The following FHAD1 variants were observed in gnomAD, a reference collection of about 807,000 sequenced individuals.
FHAD1 encodes forkhead-associated domain-containing protein 1.
FHAD1 carries 146 observed loss-of-function variants against 191.3 expected under a neutral mutation model. The observed-to-expected ratio is 0.76, with a 90% CI of 0.67 to 0.88. The LOEUF (loss-of-function observed/expected upper bound fraction) is 0.88, where lower values mean the gene tolerates loss of function less well. FHAD1 is among the 40% of genes least tolerant of loss of function. The probability of loss-of-function intolerance (pLI) is 0.00; values close to 1 mark genes in which losing one functional copy is unlikely to be tolerated. For missense variants in FHAD1, 1,635 were observed against 1,785.8 expected (o/e 0.92, Z 1.52); for synonymous variants, 616 against 672.3 (o/e 0.92, Z 1.29).
At chr1:15,315,873 C>T (rs1674270797) in intron 8 of FHAD1, among the ~76,000 whole-genome samples, 1 of 152,152 alleles carries the variant, frequency 6.6e-6, no homozygotes, top group Non-Finnish European at 1.5e-5. Flanking sequence ...CAGCCATTGT[C>T]CTTATACATT....
intron 19 of FHAD1, among the ~76,000 whole-genome samples, chr1:15,351,886 G>T (rs1691034063): frequency 6.6e-6 from 1 of 152,074 alleles, no homozygotes; most frequent in African/African-American, 2.4e-5. Flanking sequence ...TGCCACACAG[G>T]TAATGTTAAA....
At chr1:15,321,048 C>A (rs1676082828) in intron 10 of FHAD1, among the ~76,000 whole-genome samples, 1 of 152,196 alleles carries the variant, frequency 6.6e-6, no homozygotes, top group South Asian at 2.1e-4. Flanking sequence ...AATTGTCCTG[C>A]CTCAGCCTCC....
In FHAD1 at chr1:15,328,045, A is replaced by G. The variant is rs989534862; in HGVS notation, c.1558-232A>G. 3.9e-5 allele frequency: 10 copies of G among 256,768 alleles called. No individual in the cohort carries two copies. In the South Asian group the frequency reaches 4.9e-4, roughly 13 times the overall value. The allele number at this position is 256,768 out of a possible 1,614,324, so 15.9% of individuals were successfully genotyped here. On this transcript the variant is annotated intron_variant, in intron 12 of 33. Transcript: ENST00000688493. ...TGAAACTCCGTCGCAAAAAAAAAAA[A>G]AAGAAAAGAAAAAAGAAAAGAGAAT...
At chr1:15,287,733 C>G (rs1250683599) in intron 3 of FHAD1, among the ~76,000 whole-genome samples, 1 of 152,172 alleles carries the variant, frequency 6.6e-6, no homozygotes, top group Non-Finnish European at 1.5e-5. Context: ...ACACTCCTCA[C>G]TGACTCCAAG....
At chr1:15,370,137 T>C (rs1173015961) in intron 26 of FHAD1, among the ~76,000 whole-genome samples, 3 of 152,064 alleles carry the variant, frequency 2.0e-5, no homozygotes, top group African/African-American at 4.8e-5. Flanking sequence ...CCACCACACC[T>C]GACGAATTTT....
At position 15,276,397 on chromosome 1, in the gene FHAD1, G is replaced by A. The variant is rs957338875; in HGVS notation, c.300+3868G>A. ...TGCCTTTGCAAATAACTTACCCATGGAGTGACATACAAGGTAGAAAAACAG... is the reference window on the plus strand; with the variant it reads ...TGCCTTTGCAAATAACTTACCCATGAAGTGACATACAAGGTAGAAAAACAG... On this transcript the variant is annotated intron_variant, in intron 3 of 33. Transcript: ENST00000688493. This position sits in a 1 kb window ranked among gnomAD's most constrained non-coding sequence, Gnocchi z 4.7. Among the ~76,000 whole-genome samples, 2 of 152,220 alleles carry A rather than the reference G, an allele frequency of 1.3e-5. No homozygotes were observed. The highest frequency in any genetic ancestry group is 4.8e-5 in the African/African-American group (2 of 41,456).
intron 2 of FHAD1, among the ~76,000 whole-genome samples, chr1:15,265,797 C>T (rs1166161301): frequency 6.6e-6 from 1 of 151,690 alleles, no homozygotes; most frequent in Non-Finnish European, 1.5e-5. Flanking sequence ...CATGGTGAAA[C>T]CCTGTCTCTA....
chr1:15,362,517 C>A, intron 22 of FHAD1, 125 bp from the exon 23 acceptor site: 1 of 741,926 alleles, frequency 1.3e-6, no homozygotes. Flanking sequence ...ACGTGCAGGT[C>A]TCACAAGGTG....
At chr1:15,266,347 C>G (rs570246314) in intron 2 of FHAD1, among the ~76,000 whole-genome samples, 118 of 151,998 alleles carry the variant, frequency 7.8e-4, no homozygotes, top group African/African-American at 2.8e-3. Flanking sequence ...GGGTTCAAGC[C>G]TCCTGACTTG....
intron 18 of FHAD1, among the ~76,000 whole-genome samples, chr1:15,347,128 G>A (rs539179804): frequency 6.6e-6 from 1 of 152,226 alleles, no homozygotes; most frequent in Non-Finnish European, 1.5e-5. Flanking sequence ...TCTGGCACAG[G>A]TGTGCCCTGC....
At chr1:15,353,722 A>AAAAAG (rs1558201221) in intron 20 of FHAD1, among the ~76,000 whole-genome samples, 31 of 146,402 alleles carry the variant, frequency 2.1e-4, no homozygotes, top group African/African-American at 7.7e-4. Context: ...AAAAAAAAAA[A>AAAAAG]AAAAGAAAAG....
chr1:15,393,422 A>ACACGCACG (rs1704823693), intron 33 of FHAD1, among the ~76,000 whole-genome samples: 1 of 127,316 alleles, frequency 7.9e-6, no homozygotes, highest in African/African-American at 4.0e-5. Context: ...GTGGACACAC[A>ACACGCACG]CACACACGCA....
At chr1:15,256,323 C>T (rs1371573977) in intron 2 of FHAD1, among the ~76,000 whole-genome samples, 1 of 152,094 alleles carries the variant, frequency 6.6e-6, no homozygotes, top group African/African-American at 2.4e-5. Context: ...TTTCTCTGCT[C>T]TGCAGGTTCA....
intron 23 of FHAD1, among the ~76,000 whole-genome samples, chr1:15,365,164 C>T (rs929514365): frequency 1.3e-5 from 2 of 152,174 alleles, no homozygotes; most frequent in African/African-American, 4.8e-5. Flanking sequence ...CCCAAAGAAT[C>T]CCTGAACCTC....
intron 5 of FHAD1, among the ~76,000 whole-genome samples, chr1:15,299,962 G>T (rs928220613): frequency 3.3e-5 from 5 of 152,162 alleles, no homozygotes; most frequent in African/African-American, 1.2e-4. Flanking sequence ...GGTTCCCCAG[G>T]TTAGCAAGCT....
intron 33 of FHAD1, among the ~76,000 whole-genome samples, chr1:15,393,415 GACACACACACACACGCACACAC>G (rs1419603110): frequency 1.6e-5 from 2 of 127,678 alleles, no homozygotes; most frequent in Non-Finnish European, 3.1e-5. Context: ...CATAGATGTG[GACACACACACACACGCACACAC>G]ACACACACAC....
At chr1:15,353,048 C>A in intron 20 of FHAD1, 64 bp downstream of exon 20, 1 of 1,256,838 alleles carries the variant, frequency 8.0e-7, no homozygotes. Flanking sequence ...TGCTCTAGAG[C>A]CAGGCTCTGG....
chr1:15,311,900 G>C lies in FHAD1; in HGVS notation c.1040-1157G>C, dbSNP rs890387167. Among the ~76,000 whole-genome samples the C allele has an allele frequency of 6.6e-5, 10 of 152,194 alleles. No individual in the cohort carries two copies. Among genetic ancestry groups the C allele is most frequent in the African/African-American group, 2.4e-4 (10 of 41,446 alleles). ...CTGGCTCAGGGTCTCTCACGAGGTT[G>C]CAGGAGCTACTGCTGTCATGTCATC... is the stretch of plus-strand genomic sequence containing the variant. On this transcript the variant is annotated intron_variant, in intron 7 of 33. Coordinates refer to ENST00000688493, the MANE Select transcript of FHAD1 (RefSeq NM_001391957.1). This position sits in a 1 kb window ranked among gnomAD's most constrained non-coding sequence, Gnocchi z 4.1.
At chr1:15,324,318 A>T in intron 10 of FHAD1, 134 bp from the exon 11 acceptor site, 1 of 713,110 alleles carries the variant, frequency 1.4e-6, no homozygotes, top group Non-Finnish European at 2.5e-6. Context: ...CACGCCTGTG[A>T]CCCCTGCCAC....
Sources: gnomAD v4.1 joint callset for allele counts (sites outside exome capture counted in the v4.1 genomes callset) on GRCh38, gnomAD v4.1.1 for gene constraint, Gnocchi (gnomAD v3.1) non-coding constraint, MANE v1.5 for transcripts, NCBI Gene and HGNC (gene_info 2026-07-23, HGNC 2026-07-21) for gene names.